Variants in MOV10L1 observed in about 807,000 individuals in gnomAD.
MOV10L1 encodes RNA helicase Mov10l1.
A neutral mutation model predicts 143.8 loss-of-function variants in MOV10L1; 110 were observed. The ratio of observed to expected loss-of-function variants is 0.76; its 90% CI spans 0.66 to 0.90. The LOEUF is 0.90. Among genes scored for constraint, MOV10L1 ranks in the 40% least tolerant of loss-of-function variants. MOV10L1 has a pLI of 0.00. For missense variants in MOV10L1, 1,406 were observed against 1,526.8 expected (o/e 0.92, Z 1.32); for synonymous variants, 593 against 581.1 (o/e 1.02, Z -0.29).
At chr22:50,140,514 G>C (rs969195662) in intron 15 of MOV10L1, among the ~76,000 whole-genome samples, 33 of 152,022 alleles carry the variant, frequency 2.2e-4, no homozygotes, top group African/African-American at 7.7e-4. Flanking sequence ...GAATTGTCTT[G>C]GGCCACACAT....
intron 3 of MOV10L1, among the ~76,000 whole-genome samples, chr22:50,107,508 C>T (rs1032226250): frequency 2.6e-5 from 4 of 151,448 alleles, no homozygotes; most frequent in African/African-American, 9.7e-5. Context: ...TTTTGAGCTT[C>T]CAGAGTGCTT....
intron 2 of MOV10L1, chr22:50,095,783 T>C (rs2062573412): frequency 6.6e-6 from 1 of 152,092 alleles, no homozygotes; most frequent in Admixed American, 6.6e-5. Context: ...TGTTCCATCT[T>C]GTAAGGAATG....
intron 21 of MOV10L1, among the ~76,000 whole-genome samples, chr22:50,151,550 G>A (rs893747398): frequency 4.6e-5 from 7 of 151,708 alleles, no homozygotes; most frequent in African/African-American, 1.7e-4. Flanking sequence ...GCCAAGGAAG[G>A]CCTCATGAGG....
chr22:50,145,090 G>GCACC (rs2063112343), intron 18 of MOV10L1, among the ~76,000 whole-genome samples: 1 of 151,950 alleles, frequency 6.6e-6, no homozygotes, highest in Non-Finnish European at 1.5e-5. Flanking sequence ...TTACAGGTGT[G>GCACC]TGCCACCACA....
rs375039795 is a variant in MOV10L1, at chr22:50,113,665, A to G, written c.761A>G (p.His254Arg). The change falls in exon 6 of 27, where the codon CAT (histidine) becomes CGT (arginine). Residue 254 changes from histidine to arginine, a missense_variant. Around this residue, in one of 3 missense-constraint regions of MOV10L1, gnomAD observed 1,233 missense variants for 1,351.4 expected, o/e 0.91. Coordinates refer to ENST00000262794, the MANE Select transcript of MOV10L1 (RefSeq NM_018995.3). ...LVKRRDAAPVHEATHFYGTIL... is the reference protein window; with the variant it reads ...LVKRRDAAPVREATHFYGTIL... The stretch of plus-strand genomic sequence containing the variant: ...TTTTTCAGAGACGCCGCCCCTGTTC[A>G]TGAGGCCACTCATTTCTATGGAACG... 1.3e-5 allele frequency: 21 copies of G among 1,613,794 alleles called. No individual in the cohort carries two copies. In the East Asian group the frequency reaches 4.5e-4, roughly 34 times the overall value.
intron 25 of MOV10L1, 64 bp from the exon 26 acceptor site, chr22:50,160,900 G>T: frequency 6.2e-7 from 1 of 1,612,812 alleles, no homozygotes; most frequent in Non-Finnish European, 8.5e-7. Context: ...TGAGACGTAC[G>T]AGGCACCAGG....
rs769563161 is a variant in MOV10L1, at chr22:50,142,162, C to A, written c.2152C>A (p.Pro718Thr). The change falls in exon 16 of 27, where the codon CCC (proline) becomes ACC (threonine). Residue 718 changes from proline (P) to threonine (T), a missense_variant. Around this residue, in one of 3 missense-constraint regions of MOV10L1, gnomAD observed 1,233 missense variants for 1,351.4 expected, o/e 0.91. Coordinates refer to ENST00000262794, the MANE Select transcript of MOV10L1 (RefSeq NM_018995.3). ...VGDKDLPVLAPFTAEMSDWVD... is the reference protein window; with the variant it reads ...VGDKDLPVLATFTAEMSDWVD... Reference sequence around the variant, plus strand: ...TGACAAGGACCTGCCGGTGCTGGCACCCTTTACTGCAGAGATGAGCGATTG... The same window carrying A: ...TGACAAGGACCTGCCGGTGCTGGCAACCTTTACTGCAGAGATGAGCGATTG... The A allele has an allele frequency of 1.2e-6, 2 of 1,613,150 alleles. No individual in the cohort carries two copies. Among genetic ancestry groups the A allele is most frequent in the Non-Finnish European group, 1.7e-6 (2 of 1,179,606 alleles).
chr22:50,159,597 A>C lies in MOV10L1; in HGVS notation c.3217-81A>C. ...AGCCTGGGTGACAGAGTAATACTCC[A>C]TCTCAAAAAAAAAAAAGGAAAAGAA... is the stretch of plus-strand genomic sequence containing the variant. On this transcript the variant is annotated intron_variant, in intron 23 of 26. Transcript: ENST00000262794. This position sits in a 1 kb window ranked among gnomAD's most constrained non-coding sequence, Gnocchi z 4.1. The C allele has an allele frequency of 1.1e-6, 1 of 927,688 alleles. No homozygotes were observed. The highest frequency in any genetic ancestry group is 1.7e-5 in the South Asian group (1 of 60,142). 57.5% of individuals were successfully genotyped at this position (927,688 alleles called of 1,614,324 possible).
intron 19 of MOV10L1, among the ~76,000 whole-genome samples, chr22:50,146,059 G>A (rs552940316): frequency 1.1e-3 from 161 of 152,284 alleles, no homozygotes; most frequent in African/African-American, 3.8e-3. Flanking sequence ...CAGAGGCCCC[G>A]CGGTGGGGGA....
chr22:50,090,363 GCAT>G (rs1440838944), intron 1 of MOV10L1, 178 bp downstream of exon 1: 2 of 1,525,548 alleles, frequency 1.3e-6, no homozygotes, highest in Non-Finnish European at 1.8e-6. Context: ...CGACCCCACA[GCAT>G]CCCGCCGCTC....
In MOV10L1 at chr22:50,159,458, C is replaced by T. The variant is rs1000208560; in HGVS notation, c.3217-220C>T. On this transcript the variant is annotated intron_variant, in intron 23 of 26. Transcript: ENST00000262794. The surrounding 1 kb of genome is among the most constrained non-coding windows in gnomAD (Gnocchi z 4.1). ...CTACTAAAAAATACAAAAAATTACC[C>T]GGGTGTGGTGGCATGCACCCATAAT... 5.9e-5 allele frequency among the ~76,000 whole-genome samples: 9 copies of T among 151,992 alleles called. No homozygotes were observed. The highest frequency in any genetic ancestry group is 3.9e-4 in the East Asian group (2 of 5,166).
intron 12 of MOV10L1, among the ~76,000 whole-genome samples, chr22:50,127,653 C>A (rs1353025734): frequency 6.6e-6 from 1 of 152,200 alleles, no homozygotes; most frequent in Non-Finnish European, 1.5e-5. Context: ...CAGATCAGGG[C>A]TTTCCTTCTT....
At chr22:50,134,667 A>G in intron 15 of MOV10L1, 37 bp downstream of exon 15, 1 of 1,580,474 alleles carries the variant, frequency 6.3e-7, no homozygotes. Context: ...TACACAGGGG[A>G]TGGCTCAGCG....
At chr22:50,100,390 T>C (rs1436609422) in intron 3 of MOV10L1, among the ~76,000 whole-genome samples, 2 of 152,220 alleles carry the variant, frequency 1.3e-5, no homozygotes, top group Non-Finnish European at 2.9e-5. Context: ...ATAATTATAG[T>C]GTTATGATCT....
In MOV10L1 at chr22:50,121,148, G is replaced by A. The variant is rs114634718; in HGVS notation, c.1569+532G>A. 5.5e-3 allele frequency among the ~76,000 whole-genome samples: 838 copies of A among 152,242 alleles called. 9 individuals are homozygous for A. The highest frequency in any genetic ancestry group is 0.019 in the African/African-American group (782 of 41,534). On this transcript the variant is annotated intron_variant, in intron 10 of 26. Coordinates refer to ENST00000262794, the MANE Select transcript of MOV10L1 (RefSeq NM_018995.3). Reference sequence around the variant, plus strand: ...GAGAACATTGCCCTTTGTCCAGGAGGGTTTTTTTCTGTAGGGGTTTGAGGT... The same window carrying A: ...GAGAACATTGCCCTTTGTCCAGGAGAGTTTTTTTCTGTAGGGGTTTGAGGT...
chr22:50,140,057 T>A (rs1395324820), intron 15 of MOV10L1, among the ~76,000 whole-genome samples: 1 of 152,174 alleles, frequency 6.6e-6, no homozygotes. Flanking sequence ...GGGTTTTTAA[T>A]CACCAAAAAC....
At chr22:50,114,109 G>A (rs1031517488) in intron 6 of MOV10L1, among the ~76,000 whole-genome samples, 2 of 151,260 alleles carry the variant, frequency 1.3e-5, no homozygotes, top group African/African-American at 4.9e-5. Flanking sequence ...TAGTAGAGAC[G>A]GGGTTTCACC....
At chr22:50,134,456 C>G in intron 14 of MOV10L1, 74 bp from the exon 15 acceptor site, 1 of 1,222,640 alleles carries the variant, frequency 8.2e-7, no homozygotes, top group Non-Finnish European at 1.2e-6. Flanking sequence ...TAGGGTCAGC[C>G]ATAAACAACC....
intron 3 of MOV10L1, among the ~76,000 whole-genome samples, chr22:50,103,015 T>G (rs1356077704): frequency 6.6e-6 from 1 of 152,180 alleles, no homozygotes. Flanking sequence ...GCCTTGAGGC[T>G]AGGGCAGAGC....
Sources: gnomAD v4.1 joint callset for allele counts (sites outside exome capture counted in the v4.1 genomes callset) on GRCh38, gnomAD v4.1.1 for gene constraint, gnomAD v4.1.1 regional missense constraint, Gnocchi (gnomAD v3.1) non-coding constraint, MANE v1.5 for transcripts, NCBI Gene and HGNC (gene_info 2026-07-23, HGNC 2026-07-21) for gene names.